AGAP2: variants seen among roughly 807,000 people sequenced by gnomAD.
The protein encoded by AGAP2 is ArfGAP with GTPase domain, ankyrin repeat and PH domain 2, also known as arf-GAP with GTPase, ANK repeat and PH domain-containing protein 2.
A neutral mutation model predicts 110.9 loss-of-function variants in AGAP2; 32 were observed. The observed-to-expected ratio is 0.29, with a 90% CI of 0.22 to 0.39. The LOEUF (loss-of-function observed/expected upper bound fraction) is 0.39, where lower values mean the gene tolerates loss of function less well. Ranked by LOEUF, AGAP2 falls within the 10% of genes least tolerant of loss-of-function variation. AGAP2 has a pLI of 1.00. For missense variants in AGAP2, 1,285 were observed against 1,638.5 expected (o/e 0.78, Z 3.72); for synonymous variants, 702 against 713.0 (o/e 0.98, Z 0.25).
At chr12:57,742,019 C>A (rs772200859), upstream of AGAP2, 2 of 1,614,144 alleles carry the variant, frequency 1.2e-6, no homozygotes, top group Non-Finnish European at 1.7e-6. Context: ...CACCTCATGT[C>A]GTCTGACTTC....
rs1357834209 is a variant in AGAP2, at chr12:57,734,303, C to A, written c.1401+16G>T. 5 of 1,614,034 alleles carry A rather than the reference C, an allele frequency of 3.1e-6. No individual in the cohort carries two copies. The highest frequency in any genetic ancestry group is 1.7e-5 in the Admixed American group (1 of 60,008). ...CTGACCCCAGCCAGCCTGTCCCCCA[C>A]CACCTCCACCCTCACCTTGGCATCA... On this transcript the variant is annotated intron_variant, in intron 4 of 18. Transcript: ENST00000547588.
At chr12:57,731,243 A>G in intron 10 of AGAP2, 123 bp downstream of exon 10, 1 of 881,292 alleles carries the variant, frequency 1.1e-6, no homozygotes, top group East Asian at 2.5e-5. Context: ...CATGCCTGCT[A>G]AACTTAAGAG....
downstream of AGAP2, chr12:57,725,106 C>G (rs1201581542): frequency 6.5e-6 from 1 of 153,156 alleles, no homozygotes; most frequent in Non-Finnish European, 1.5e-5. Context: ...GTGGGAGGCA[C>G]CTCTGCCTGT....
chr12:57,727,242 G>T lies in AGAP2; in HGVS notation c.3081-13C>A. The T allele has an allele frequency of 6.2e-7, 1 of 1,612,576 alleles. No individual in the cohort carries two copies. On this transcript the variant is annotated splice_polypyrimidine_tract_variant and intron_variant, in intron 17 of 18. Coordinates refer to ENST00000547588, the MANE Select transcript of AGAP2 (RefSeq NM_001122772.3). ...CTCGCGCTCCTCCCTGCAAGACCAG[G>T]GATCAACGGAAAAGGCTCTAGGGAC...
chr12:57,727,900 C>T (rs1418102145), intron 15 of AGAP2, 37 bp downstream of exon 15: 2 of 1,611,408 alleles, frequency 1.2e-6, no homozygotes, highest in Non-Finnish European at 1.7e-6. Context: ...AGGGTCAGTT[C>T]CTGCGGCCAG....
In AGAP2 at chr12:57,731,896, C is replaced by G. The variant is rs573277672; in HGVS notation, c.1866G>C (p.Glu622Asp). 1 of 1,612,674 alleles carries G rather than the reference C, an allele frequency of 6.2e-7. No individual in the cohort carries two copies. The highest frequency in any genetic ancestry group is 1.7e-5 in the Admixed American group (1 of 59,818). ...LPSSPNVGHRELRAEAAAVAG... is the reference protein window; with the variant it reads ...LPSSPNVGHRDLRAEAAAVAG... ...CCACTGCAGCTGCCTCGGCTCGGAG[C>G]TCCCGGTGACCAACATTCGGTGAGG... Residue 622 changes from glutamate to aspartate, a missense_variant, in exon 8 of 19, where the codon GAG becomes GAC. Transcript: ENST00000547588.
chr12:57,737,154 G>A lies in AGAP2; in HGVS notation c.1093C>T (p.Leu365Phe), dbSNP rs753074418. Residue 365 changes from leucine to phenylalanine, a missense_variant, in exon 1 of 19, where the codon CTT becomes TTT. This residue lies in a region of AGAP2 where 844 missense variants were observed against 941.2 expected (regional missense o/e 0.90). Coordinates refer to ENST00000547588, the MANE Select transcript of AGAP2 (RefSeq NM_001122772.3). The surrounding 1 kb of genome is among the most constrained non-coding windows in gnomAD (Gnocchi z 5.9). Reference protein sequence around the residue: ...STGGPPGSGPLPGPPSLSSGS... With the variant: ...STGGPPGSGPFPGPPSLSSGS... ...GAAGACAGGCTGGGGGGTCCGGGAA[G>A]GGGCCCGGAGCCAGGAGGCCCTCCT... The A allele has an allele frequency of 5.7e-6, 9 of 1,572,534 alleles. No individual in the cohort carries two copies. The highest frequency in any genetic ancestry group is 1.2e-5 in the South Asian group (1 of 86,356).
At chr12:57,733,902 G>A (rs774350846) in intron 5 of AGAP2, 124 bp downstream of exon 5, 1 of 1,149,930 alleles carries the variant, frequency 8.7e-7, no homozygotes, top group Non-Finnish European at 1.2e-6. Flanking sequence ...GCTCCCTCCA[G>A]AAGGGTACTA....
In AGAP2 at chr12:57,730,124, AT is replaced by A. The variant is rs57705169; in HGVS notation, c.2429-358del. On this transcript the variant is annotated intron_variant, in intron 12 of 18. Coordinates refer to ENST00000547588, the MANE Select transcript of AGAP2 (RefSeq NM_001122772.3). ...TGTTATTTGCATACTATATATATAT[AT>A]TTTTTTTCAAACATGTCAAACATGG... Among the ~76,000 whole-genome samples the A allele has an allele frequency of 1.3e-4, 19 of 151,280 alleles. 1 individual carries two copies. Among genetic ancestry groups the A allele is most frequent in the Admixed American group, 3.3e-4 (5 of 15,204 alleles).
intron 13 of AGAP2, 127 bp from the exon 14 acceptor site, chr12:57,728,504 G>A (rs1281927607): frequency 5.4e-6 from 5 of 930,314 alleles, no homozygotes; most frequent in Admixed American, 4.6e-5. Flanking sequence ...GAGTGCCAGA[G>A]ACAAAGCAGG....
Position 57,729,644 on chromosome 12 carries a change from G to C in AGAP2, c.2552C>G (p.Ala851Gly). The change falls in exon 13 of 19, where the codon GCT becomes GGT. Residue 851 changes from alanine (A) to glycine (G), a missense_variant. Physicochemically the swap from Ala to Gly is moderately conservative, Grantham distance 60 (BLOSUM62 0). Coordinates refer to ENST00000547588, the MANE Select transcript of AGAP2 (RefSeq NM_001122772.3). ...PSKTEGSAGQ[A>G]EAKRKMWKLK... ...AGTGCCTGCCAGAGCCTCACCTTCA[G>C]CCTGCCCAGCCGAGCCTTCAGTCTT... 1 of 1,612,144 alleles carries C rather than the reference G, an allele frequency of 6.2e-7. No individual in the cohort carries two copies. Among genetic ancestry groups the C allele is most frequent in the Non-Finnish European group, 8.5e-7 (1 of 1,179,346 alleles).
At position 57,726,774 on chromosome 12, in the gene AGAP2, G is replaced by A; in HGVS notation, c.3357C>T (p.Ala1119=). The part of the protein sequence containing the change: ...LLLWYGADVA[A]RDAQGRTALF... Reference sequence around the variant, plus strand: ...GCGCCGTGCGGCCCTGGGCGTCACGGGCCGCCACGTCCGCGCCGTACTAGA... The same window carrying A: ...GCGCCGTGCGGCCCTGGGCGTCACGAGCCGCCACGTCCGCGCCGTACTAGA... The change falls in exon 19 of 19, where the codon GCC becomes GCT. Residue 1119 remains alanine (A), a synonymous_variant. Coordinates refer to ENST00000547588, the MANE Select transcript of AGAP2 (RefSeq NM_001122772.3). This position sits in a 1 kb window ranked among gnomAD's most constrained non-coding sequence, Gnocchi z 5.7. The A allele has an allele frequency of 7.3e-7, 1 of 1,361,280 alleles. No homozygotes were observed. Among genetic ancestry groups the A allele is most frequent in the Non-Finnish European group, 9.4e-7 (1 of 1,061,990 alleles). The allele number at this position is 1,361,280 out of a possible 1,614,324, so 84.3% of individuals were successfully genotyped here.
chr12:57,727,608 T>C, intron 16 of AGAP2, 26 bp from the exon 17 acceptor site: 1 of 1,593,112 alleles, frequency 6.3e-7, no homozygotes, highest in Non-Finnish European at 8.5e-7. Flanking sequence ...AGAGGTCGGC[T>C]CCCAGCCGGG....
chr12:57,738,853 G>A (rs1955040393), upstream of AGAP2, among the ~76,000 whole-genome samples: 1 of 151,776 alleles, frequency 6.6e-6, no homozygotes, highest in Non-Finnish European at 1.5e-5. This position sits in a 1 kb window ranked among gnomAD's most constrained non-coding sequence, Gnocchi z 6.7. Context: ...GGAACCCACG[G>A]GTCTGGGGTC....
Position 57,726,816 on chromosome 12 carries a change from G to C in AGAP2, c.3337-22C>G. 1 of 1,427,908 alleles carries C rather than the reference G, an allele frequency of 7.0e-7. No individual in the cohort carries two copies. Among genetic ancestry groups the C allele is most frequent in the Non-Finnish European group, 9.1e-7 (1 of 1,095,736 alleles). 88.5% of individuals were successfully genotyped at this position (1,427,908 alleles called of 1,614,324 possible). A position where few individuals can be genotyped will look rare whatever the true frequency, so the allele number is the denominator to read the frequency against. On this transcript the variant is annotated intron_variant, in intron 18 of 18. Coordinates refer to ENST00000547588, the MANE Select transcript of AGAP2 (RefSeq NM_001122772.3). The surrounding 1 kb of genome is among the most constrained non-coding windows in gnomAD (Gnocchi z 5.7). The stretch of plus-strand genomic sequence containing the variant: ...CGTACTAGAGGGCGGAAACGGCCGC[G>C]TGACCGCGCGTCCCCAGGGCGCCCA...
In AGAP2 at chr12:57,737,549, G is replaced by A. The variant is rs758302966; in HGVS notation, c.698C>T (p.Ser233Leu). ...GSKSSAGTGASVSAAATAAAA... is the reference protein window; with the variant it reads ...GSKSSAGTGALVSAAATAAAA... ...GGCGGCGGTGGCGGCGGCAGAGACC[G>A]AAGCTCCAGTCCCGGCGCTGCTCTT... The change falls in exon 1 of 19, where the codon TCG becomes TTG. Residue 233 changes from serine (S) to leucine (L), a missense_variant. By Grantham distance (145) the Ser-to-Leu change is moderately radical. Transcript: ENST00000547588. The surrounding 1 kb of genome is among the most constrained non-coding windows in gnomAD (Gnocchi z 5.9). 7 of 1,554,058 alleles carry A rather than the reference G, an allele frequency of 4.5e-6. 1 individual carries two copies. The South Asian group carries it at 8.3e-5, about 18-fold the overall frequency.
At position 57,732,968 on chromosome 12, in the gene AGAP2, CA is replaced by C; in HGVS notation, c.1560del (p.Ser520ArgfsTer20). 1 of 1,613,982 alleles carries C rather than the reference CA, an allele frequency of 6.2e-7. No homozygotes were observed. The highest frequency in any genetic ancestry group is 8.5e-7 in the Non-Finnish European group (1 of 1,180,022). ...TCTCCCACCACCCGAGGGGAGGAAG[CA>C]CTGATCCTGTCTGAGGGGACAGGAA... ...LALVGTQDRI[S>X]ASSPRVVGDA... On this transcript the variant is annotated frameshift_variant, in exon 6 of 19. Coordinates refer to ENST00000547588, the MANE Select transcript of AGAP2 (RefSeq NM_001122772.3). LOFTEE classifies it high-confidence loss of function.
Position 57,734,414 on chromosome 12 carries a change from A to G in AGAP2, c.1316-10T>C. The G allele has an allele frequency of 6.2e-7, 1 of 1,614,090 alleles. No individual in the cohort carries two copies. The highest frequency in any genetic ancestry group is 8.5e-7 in the Non-Finnish European group (1 of 1,179,914). ...TTCTTGTACTGCTCACCTGTCCAGA[A>G]GAGTTGGAAGGGGTAACAGGTCAGA... is the stretch of plus-strand genomic sequence containing the variant. On this transcript the variant is annotated splice_polypyrimidine_tract_variant and intron_variant, in intron 3 of 18. Transcript: ENST00000547588.
Position 57,737,761 on chromosome 12 carries a change from G to A in AGAP2, c.486C>T (p.Gly162=). The stretch of plus-strand genomic sequence containing the variant: ...GGTGCGGAGAGGATGAGCCAGGGAT[G>A]CCGCCGCCCGCCCGGCCTTCGGGCT... ...GPEPEGRAGG[G]IPGSSSPHPG... is the part of the protein sequence containing the mutation. The change falls in exon 1 of 19, where the codon GGC becomes GGT. Residue 162 remains glycine (G), a synonymous_variant. Transcript: ENST00000547588. This position sits in a 1 kb window ranked among gnomAD's most constrained non-coding sequence, Gnocchi z 5.9. The A allele has an allele frequency of 6.5e-7, 1 of 1,534,554 alleles. No homozygotes were observed.
Sources: gnomAD v4.1 joint callset for allele counts (sites outside exome capture counted in the v4.1 genomes callset) on GRCh38, gnomAD v4.1.1 for gene constraint, gnomAD v4.1.1 regional missense constraint, Gnocchi (gnomAD v3.1) non-coding constraint, MANE v1.5 for transcripts, NCBI Gene and HGNC (gene_info 2026-07-23, HGNC 2026-07-21) for gene names.